The following GRM8 variants were observed in gnomAD, a reference collection of about 807,000 sequenced individuals.
GRM8 encodes the protein glutamate metabotropic receptor 8.
A neutral mutation model predicts 87.2 loss-of-function variants in GRM8; 47 were observed. That is an observed-to-expected ratio of 0.54 (90% CI 0.43 to 0.69). GRM8 has a LOEUF of 0.69. Ranked by LOEUF, GRM8 falls within the 30% of genes least tolerant of loss-of-function variation. GRM8 has a pLI of 0.00. For synonymous variants in GRM8, 396 were observed against 404.5 expected, an observed-to-expected ratio of 0.98 and a Z score of 0.25; for missense variants, 1,019 against 1,139.2, an observed-to-expected ratio of 0.89 and a Z score of 1.52.
chr7:126,664,052 A>G (rs767650822), intron 7 of GRM8, among the ~76,000 whole-genome samples: 8 of 152,186 alleles, frequency 5.3e-5, no homozygotes, highest in Non-Finnish European at 8.8e-5. Context: ...ATAGCCACAC[A>G]TACACACAAA....
At chr7:127,091,329 C>T (rs984426132) in intron 3 of GRM8, among the ~76,000 whole-genome samples, 21 of 150,812 alleles carry the variant, frequency 1.4e-4, no homozygotes, top group South Asian at 4.2e-4. Context: ...ACTGATCATC[C>T]CCCTGTCCCA....
In GRM8 at chr7:126,541,049, G is replaced by A. The variant is rs547064487; in HGVS notation, c.1495-7162C>T. On this transcript the variant is annotated intron_variant, in intron 8 of 10. Coordinates refer to ENST00000339582, the MANE Select transcript of GRM8 (RefSeq NM_000845.3). ...ATGCCCATTTTGTTTAAGGCACAAAGTTCAATGTGAGAATTCAACAAGACC... is the reference window on the plus strand; with the variant it reads ...ATGCCCATTTTGTTTAAGGCACAAAATTCAATGTGAGAATTCAACAAGACC... 2.6e-5 allele frequency among the ~76,000 whole-genome samples: 4 copies of A among 152,306 alleles called. 1 individual carries two copies. In the East Asian group the frequency reaches 7.7e-4, roughly 29 times the overall value.
At chr7:126,645,827 C>G (rs2237760) in intron 7 of GRM8, among the ~76,000 whole-genome samples, 46,847 of 152,054 alleles carry the variant, frequency 0.31, 8,088 homozygotes, top group East Asian at 0.43. Context: ...CTCTCTCACT[C>G]GGCTCAACAA....
intron 2 of GRM8, among the ~76,000 whole-genome samples, chr7:127,203,431 G>A (rs1452043439): frequency 6.6e-6 from 1 of 152,228 alleles, no homozygotes; most frequent in Non-Finnish European, 1.5e-5. Context: ...GTTGAGGCCA[G>A]GCGTAGTGGC....
At chr7:126,486,596 G>A (rs2150619753) in intron 9 of GRM8, among the ~76,000 whole-genome samples, 1 of 152,008 alleles carries the variant, frequency 6.6e-6, no homozygotes, top group African/African-American at 2.4e-5. Flanking sequence ...ATCTTGATAG[G>A]GCTCATGACC....
intron 8 of GRM8, among the ~76,000 whole-genome samples, chr7:126,588,492 C>T (rs1157623290): frequency 6.6e-6 from 1 of 152,152 alleles, no homozygotes; most frequent in African/African-American, 2.4e-5. Context: ...ACCAAAAAGA[C>T]ATATGCACTC....
At chr7:126,843,978 CTTAA>C (rs953054772) in intron 6 of GRM8, among the ~76,000 whole-genome samples, 1 of 152,118 alleles carries the variant, frequency 6.6e-6, no homozygotes, top group African/African-American at 2.4e-5. Flanking sequence ...ATTACATTAT[CTTAA>C]TTAATTTTAC....
intron 6 of GRM8, among the ~76,000 whole-genome samples, chr7:126,789,680 C>T (rs1821060347): frequency 2.6e-5 from 4 of 152,126 alleles, no homozygotes; most frequent in Admixed American, 2.6e-4. Context: ...ACGAAAAATG[C>T]TCTCCAAAAA....
Position 127,243,218 on chromosome 7 carries a change from G to A in GRM8, c.-14C>T. On this transcript the variant is annotated 5_prime_UTR_variant, in exon 2 of 11. Transcript: ENST00000339582. ...CTCGCATACCATTTTCTCCACAGGT[G>A]GTATTGCAATCCAAGACCCAAAGTT... is the stretch of plus-strand genomic sequence containing the variant. 2 of 1,593,304 alleles carry A rather than the reference G, an allele frequency of 1.3e-6. No individual in the cohort carries two copies. Among genetic ancestry groups the A allele is most frequent in the Non-Finnish European group, 1.7e-6 (2 of 1,175,078 alleles).
intron 2 of GRM8, among the ~76,000 whole-genome samples, chr7:127,221,610 T>G (rs750391157): frequency 3.5e-4 from 54 of 152,214 alleles, no homozygotes; most frequent in Non-Finnish European, 7.3e-4. Flanking sequence ...GGGCCTCACC[T>G]GAAAGTGCAT....
At chr7:127,090,390 C>T (rs1041904937) in intron 3 of GRM8, among the ~76,000 whole-genome samples, 3 of 152,286 alleles carry the variant, frequency 2.0e-5, no homozygotes, top group Admixed American at 1.3e-4. Flanking sequence ...AAGCTTTAGA[C>T]CTTAGGACAT....
chr7:127,232,878 C>G (rs1797772492), intron 2 of GRM8, among the ~76,000 whole-genome samples: 1 of 152,220 alleles, frequency 6.6e-6, no homozygotes, highest in Admixed American at 6.5e-5. Flanking sequence ...CTTGCTGTTA[C>G]CCAGGCTGGA....
rs750767434 is a variant in GRM8 at position 126,446,202 on chromosome 7, G to C, written c.2601C>G (p.Ser867Arg). The C allele has an allele frequency of 6.2e-7, 1 of 1,612,996 alleles. No homozygotes were observed. Among genetic ancestry groups the C allele is most frequent in the Admixed American group, 1.7e-5 (1 of 59,850 alleles). The change falls in exon 10 of 11, where the codon AGC (serine) becomes AGG (arginine). Residue 867 changes from serine to arginine, a missense_variant. Transcript: ENST00000339582. The part of the protein sequence containing the change: ...KAVVTAATMQ[S>R]KLIQKGNDRP... ...TGTCATTTCCTTTTTGGATCAGTTT[G>C]CTTTGCATGGTGGCAGCTGTCACCA...
At chr7:126,613,989 C>T (rs1799187062) in intron 7 of GRM8, among the ~76,000 whole-genome samples, 1 of 152,194 alleles carries the variant, frequency 6.6e-6, no homozygotes, top group Admixed American at 6.5e-5. Flanking sequence ...CAGACCTCTG[C>T]AGACTTAAAT....
Position 126,729,062 on chromosome 7 carries a change from GC to G in GRM8, c.1357+40802del, listed in dbSNP as rs796143569. On this transcript the variant is annotated intron_variant, in intron 7 of 10. Coordinates refer to ENST00000339582, the MANE Select transcript of GRM8 (RefSeq NM_000845.3). The stretch of plus-strand genomic sequence containing the variant: ...CTCACCCTGCCATAAAGGCTTCACA[GC>G]CCTTGAGTGCAATGGCAAGCTATCA... Among the ~76,000 whole-genome samples the G allele has an allele frequency of 6.3e-3, 956 of 152,218 alleles. 10 individuals are homozygous for G. Among genetic ancestry groups the G allele is most frequent in the African/African-American group, 0.021 (890 of 41,528 alleles).
At chr7:126,459,094 C>T (rs953686668) in intron 9 of GRM8, among the ~76,000 whole-genome samples, 2 of 150,486 alleles carry the variant, frequency 1.3e-5, no homozygotes, top group African/African-American at 4.9e-5. Flanking sequence ...CTATAGTACT[C>T]ATAAACCATA....
intron 6 of GRM8, among the ~76,000 whole-genome samples, chr7:126,839,376 A>G (rs1483725447): frequency 6.6e-6 from 1 of 152,172 alleles, no homozygotes; most frequent in Non-Finnish European, 1.5e-5. Flanking sequence ...CAAGTGATTT[A>G]TATGCACATG....
At chr7:126,745,305 C>T (rs1033322342) in intron 7 of GRM8, among the ~76,000 whole-genome samples, 14 of 151,334 alleles carry the variant, frequency 9.3e-5, no homozygotes, top group East Asian at 5.8e-4. Flanking sequence ...CCTTGCTATA[C>T]GCCAGATATA....
chr7:127,223,629 C>T (rs79948869), intron 2 of GRM8, among the ~76,000 whole-genome samples: 3,041 of 152,056 alleles, frequency 0.02, 108 homozygotes, highest in African/African-American at 0.068. Context: ...GGCAATGTGG[C>T]TGCAAAGGTG....
Sources: gnomAD v4.1 joint callset for allele counts (sites outside exome capture counted in the v4.1 genomes callset) on GRCh38, gnomAD v4.1.1 for gene constraint, MANE v1.5 for transcripts, NCBI Gene and HGNC (gene_info 2026-07-23, HGNC 2026-07-21) for gene names.